Variants in CSMD1 observed in about 807,000 individuals in gnomAD.
The protein encoded by CSMD1 is CUB and Sushi multiple domains 1.
In CSMD1, 213 loss-of-function variants were observed where a neutral mutation model predicts 417.5. That is an observed-to-expected ratio of 0.51 (90% CI 0.46 to 0.57). CSMD1 has a LOEUF of 0.57. Ranked by LOEUF, CSMD1 falls within the 20% of genes least tolerant of loss-of-function variation. The probability of loss-of-function intolerance (pLI) is 0.00; values close to 1 mark genes in which losing one functional copy is unlikely to be tolerated. For missense variants in CSMD1, 6,923 were observed against 4,529.7 expected, an observed-to-expected ratio of 1.53 and a Z score of -15.17; for synonymous variants, 2,862 against 1,736.8, an observed-to-expected ratio of 1.65 and a Z score of -16.11.
intron 48 of CSMD1, among the ~76,000 whole-genome samples, chr8:3,090,285 C>A (rs1177232143): frequency 1.4e-5 from 2 of 140,806 alleles, no homozygotes; most frequent in Admixed American, 7.6e-5. Flanking sequence ...CCACTGCACT[C>A]CAGCCTGGGC....
chr8:3,393,068 A>G (rs1464467531), intron 17 of CSMD1, among the ~76,000 whole-genome samples: 1 of 152,196 alleles, frequency 6.6e-6, no homozygotes, highest in Non-Finnish European at 1.5e-5. Context: ...TCAAATACAC[A>G]GCGACTGATA....
Position 4,546,242 on chromosome 8 carries a change from C to T in CSMD1, c.302+91100G>A, listed in dbSNP as rs557524680. On this transcript the variant is annotated intron_variant, in intron 2 of 69. Coordinates refer to ENST00000635120, the MANE Select transcript of CSMD1 (RefSeq NM_033225.6). The stretch of plus-strand genomic sequence containing the variant: ...AGACCACAAGCCCCTGCTCCCACCA[C>T]TTCTTTCCCTCTGGAGGGTCCTTTC... Among the ~76,000 whole-genome samples, 12 of 152,346 alleles carry T rather than the reference C, an allele frequency of 7.9e-5. No homozygotes were observed. In the South Asian group the frequency reaches 2.5e-3, roughly 32 times the overall value.
At chr8:4,674,715 G>C (rs1255142419) in intron 1 of CSMD1, among the ~76,000 whole-genome samples, 2 of 152,150 alleles carry the variant, frequency 1.3e-5, no homozygotes, top group Non-Finnish European at 2.9e-5. Context: ...AGAGAGTAGT[G>C]CAAATACATA....
At chr8:3,253,272 T>G (rs1006314771) in intron 26 of CSMD1, among the ~76,000 whole-genome samples, 2 of 152,188 alleles carry the variant, frequency 1.3e-5, no homozygotes, top group Non-Finnish European at 2.9e-5. Context: ...ATTTCTGCCT[T>G]CATTTCGTTA....
At chr8:4,115,301 C>G (rs1306819565) in intron 3 of CSMD1, among the ~76,000 whole-genome samples, 4 of 152,172 alleles carry the variant, frequency 2.6e-5, no homozygotes, top group African/African-American at 9.6e-5. Context: ...TTTTTGGCAA[C>G]AAAATATTTT....
intron 5 of CSMD1, among the ~76,000 whole-genome samples, chr8:3,975,103 A>G (rs533924169): frequency 6.6e-6 from 1 of 152,212 alleles, no homozygotes; most frequent in East Asian, 1.9e-4. Flanking sequence ...ACTAGTTTTA[A>G]TAACTTGAAA....
chr8:3,202,422 C>T (rs1431861787), intron 31 of CSMD1, among the ~76,000 whole-genome samples: 1 of 152,140 alleles, frequency 6.6e-6, no homozygotes, highest in African/African-American at 2.4e-5. Context: ...TTTCATGTAT[C>T]CTACAGGTTA....
chr8:3,813,099 T>G (rs1041988787), intron 5 of CSMD1, among the ~76,000 whole-genome samples: 2 of 151,820 alleles, frequency 1.3e-5, no homozygotes, highest in Non-Finnish European at 2.9e-5. Flanking sequence ...TAGTTTTTTT[T>G]TTTTTTTTTT....
intron 12 of CSMD1, among the ~76,000 whole-genome samples, chr8:3,467,256 T>G (rs952694162): frequency 1.3e-5 from 2 of 152,222 alleles, no homozygotes; most frequent in African/African-American, 4.8e-5. Context: ...CCTGGTACCA[T>G]AAACCTCATG....
intron 1 of CSMD1, among the ~76,000 whole-genome samples, chr8:4,920,649 C>G (rs1402678538): frequency 1.3e-5 from 2 of 151,740 alleles, no homozygotes; most frequent in African/African-American, 2.4e-5. Flanking sequence ...TGGTGAAACC[C>G]TGTATTTAGT....
intron 3 of CSMD1, among the ~76,000 whole-genome samples, chr8:4,087,766 T>A (rs939667459): frequency 2.6e-5 from 4 of 152,212 alleles, no homozygotes; most frequent in African/African-American, 9.6e-5. Flanking sequence ...ATCTTCTTTC[T>A]ATATTTTCTC....
At chr8:4,623,335 C>A (rs185139177) in intron 2 of CSMD1, among the ~76,000 whole-genome samples, 5 of 152,194 alleles carry the variant, frequency 3.3e-5, no homozygotes, top group African/African-American at 1.2e-4. Context: ...AGGCTGAGTA[C>A]ACTAAATATA....
intron 51 of CSMD1, among the ~76,000 whole-genome samples, chr8:3,022,978 T>A (rs1809561637): frequency 6.6e-6 from 1 of 152,228 alleles, no homozygotes; most frequent in African/African-American, 2.4e-5. Context: ...GAGCTGTCAC[T>A]ACAGTTATTT....
intron 5 of CSMD1, among the ~76,000 whole-genome samples, chr8:3,902,827 C>G (rs1807846300): frequency 1.3e-5 from 2 of 151,880 alleles, no homozygotes. Flanking sequence ...AATGCACTGA[C>G]TGGCCCATCT....
intron 9 of CSMD1, among the ~76,000 whole-genome samples, chr8:3,576,296 A>C (rs1800148859): frequency 6.6e-6 from 1 of 151,070 alleles, no homozygotes; most frequent in Non-Finnish European, 1.5e-5. Context: ...TAATAATAAT[A>C]ATAATACAAA....
At chr8:4,158,047 G>C (rs1714775) in intron 3 of CSMD1, among the ~76,000 whole-genome samples, 147,258 of 151,800 alleles carry the variant, frequency 0.97, 71,590 homozygotes, top group East Asian at 1. Flanking sequence ...CAAAGCTCCT[G>C]CTACCCCTAC....
chr8:4,230,260 G>A (rs531699619), intron 3 of CSMD1, among the ~76,000 whole-genome samples: 10 of 152,182 alleles, frequency 6.6e-5, no homozygotes, highest in Admixed American at 3.9e-4. Context: ...TTATATCGTT[G>A]AGTATCTTAT....
chr8:2,973,342 A>C, intron 56 of CSMD1, 43 bp from the exon 57 acceptor site: 1 of 1,584,544 alleles, frequency 6.3e-7, no homozygotes, highest in Non-Finnish European at 8.6e-7. Context: ...ATTGTGTTAG[A>C]CTTGTTTTAA....
At chr8:4,886,759 T>G (rs914040906) in intron 1 of CSMD1, among the ~76,000 whole-genome samples, 1 of 152,042 alleles carries the variant, frequency 6.6e-6, no homozygotes, top group African/African-American at 2.4e-5. Flanking sequence ...CTAAAAAAAT[T>G]TATTTTACCA....
Sources: gnomAD v4.1 joint callset for allele counts (sites outside exome capture counted in the v4.1 genomes callset) on GRCh38, gnomAD v4.1.1 for gene constraint, MANE v1.5 for transcripts, NCBI Gene and HGNC (gene_info 2026-07-23, HGNC 2026-07-21) for gene names.